GPC6: variants seen among roughly 807,000 people sequenced by gnomAD.
GPC6 encodes glypican-6.
A neutral mutation model predicts 55.2 loss-of-function variants in GPC6; 14 were observed. The observed-to-expected ratio is 0.25, with a 90% CI of 0.17 to 0.40. GPC6 has a LOEUF of 0.40. Among genes scored for constraint, GPC6 ranks in the 10% least tolerant of loss-of-function variants. The pLI is 1.00. For missense variants in GPC6, 641 were observed against 708.5 expected, an observed-to-expected ratio of 0.90 and a Z score of 1.08; for synonymous variants, 278 against 259.6, an observed-to-expected ratio of 1.07 and a Z score of -0.68.
chr13:93,845,707 A>G (rs1203742054), intron 3 of GPC6, among the ~76,000 whole-genome samples: 4 of 149,086 alleles, frequency 2.7e-5, no homozygotes, highest in Non-Finnish European at 3.0e-5. Context: ...ATTGGAAATC[A>G]TCATTCTCAG....
chr13:93,502,521 A>G (rs1382840614), intron 1 of GPC6, among the ~76,000 whole-genome samples: 1 of 152,154 alleles, frequency 6.6e-6, no homozygotes. Flanking sequence ...ATTAATGAGA[A>G]AGACAAATGT....
At position 93,858,616 on chromosome 13, in the gene GPC6, ATGT is replaced by A. The variant is rs1247715918; in HGVS notation, c.711+28073_711+28075del. Among the ~76,000 whole-genome samples the A allele has an allele frequency of 2.0e-5, 3 of 151,754 alleles. No homozygotes were observed. In the East Asian group the frequency reaches 5.9e-4, roughly 30 times the overall value. On this transcript the variant is annotated intron_variant, in intron 3 of 8. Transcript: ENST00000377047. ...ACAGAAAGAACACCATGAAAACATG[ATGT>A]TCTAGAATTCAAGTTTAAAAACCTG...
chr13:93,447,453 A>G (rs1878050658), intron 1 of GPC6, among the ~76,000 whole-genome samples: 1 of 152,166 alleles, frequency 6.6e-6, no homozygotes. Flanking sequence ...ACATTAGACC[A>G]TAGGTTAATT....
At chr13:93,788,566 C>G (rs1885889712) in intron 2 of GPC6, among the ~76,000 whole-genome samples, 1 of 149,898 alleles carries the variant, frequency 6.7e-6, no homozygotes, top group Admixed American at 6.8e-5. Flanking sequence ...GACAAAATCT[C>G]TTTTATCCTT....
intron 3 of GPC6, among the ~76,000 whole-genome samples, chr13:93,844,495 G>GT (rs1365295706): frequency 6.6e-6 from 1 of 151,874 alleles, no homozygotes; most frequent in African/African-American, 2.4e-5. Context: ...GGGGTTGTTT[G>GT]TTTTTTTCTT....
intron 1 of GPC6, among the ~76,000 whole-genome samples, chr13:93,514,817 C>G (rs757927105): frequency 6.6e-6 from 1 of 152,144 alleles, no homozygotes; most frequent in Non-Finnish European, 1.5e-5. Context: ...CCCCTACCAA[C>G]CTGTATTGGA....
chr13:93,774,017 C>T (rs1207057534), intron 2 of GPC6, among the ~76,000 whole-genome samples: 1 of 152,192 alleles, frequency 6.6e-6, no homozygotes, highest in East Asian at 1.9e-4. Flanking sequence ...TTAGATGCCT[C>T]ATGCCTCCAA....
At chr13:93,769,221 C>T (rs1264876452) in intron 2 of GPC6, among the ~76,000 whole-genome samples, 3 of 152,036 alleles carry the variant, frequency 2.0e-5, no homozygotes, top group Admixed American at 6.6e-5. Flanking sequence ...CATGTGAGAA[C>T]AGAAGGAAAA....
chr13:93,813,739 T>C (rs1020328526), intron 2 of GPC6, among the ~76,000 whole-genome samples: 1 of 151,856 alleles, frequency 6.6e-6, no homozygotes, highest in African/African-American at 2.4e-5. Flanking sequence ...AATTTATATA[T>C]GTATCATATA....
intron 4 of GPC6, among the ~76,000 whole-genome samples, chr13:94,123,675 T>TG (rs1566435907): frequency 7.9e-5 from 12 of 151,662 alleles, no homozygotes; most frequent in Admixed American, 5.9e-4. Flanking sequence ...GTGTGTGTGT[T>TG]TGTATGCATG....
At chr13:93,276,023 C>T (rs567060232) in intron 1 of GPC6, among the ~76,000 whole-genome samples, 4 of 152,012 alleles carry the variant, frequency 2.6e-5, no homozygotes, top group African/African-American at 7.2e-5. Context: ...TACAGGCGCC[C>T]GCCACCATGC....
intron 6 of GPC6, among the ~76,000 whole-genome samples, chr13:94,351,695 A>G (rs1878549853): frequency 6.6e-6 from 1 of 152,126 alleles, no homozygotes; most frequent in Non-Finnish European, 1.5e-5. Context: ...TCTGCCTTCT[A>G]TGACCTTAAC....
chr13:93,864,594 A>G (rs1401232151), intron 3 of GPC6, among the ~76,000 whole-genome samples: 4 of 151,722 alleles, frequency 2.6e-5, no homozygotes, highest in African/African-American at 9.7e-5. Flanking sequence ...GGGCAGTAAT[A>G]AAAGCTAATA....
intron 1 of GPC6, among the ~76,000 whole-genome samples, chr13:93,347,939 A>C (rs147449285): frequency 1.3e-5 from 2 of 152,148 alleles, no homozygotes; most frequent in African/African-American, 2.4e-5. Flanking sequence ...GCAAAGCTTC[A>C]GGTTCTGTTT....
intron 1 of GPC6, among the ~76,000 whole-genome samples, chr13:93,288,400 C>G (rs1042844134): frequency 3.9e-4 from 59 of 152,068 alleles, no homozygotes; most frequent in Non-Finnish European, 1.0e-4. Flanking sequence ...ACTAATCAAT[C>G]CAGATAAAAG....
intron 2 of GPC6, among the ~76,000 whole-genome samples, chr13:93,783,991 T>C (rs919240032): frequency 6.6e-6 from 1 of 152,200 alleles, no homozygotes; most frequent in Non-Finnish European, 1.5e-5. Flanking sequence ...AGTTATAAAA[T>C]GTTATAAATG....
chr13:93,552,934 T>G (rs531048973), intron 2 of GPC6, among the ~76,000 whole-genome samples: 2 of 152,354 alleles, frequency 1.3e-5, no homozygotes, highest in Non-Finnish European at 2.9e-5. Context: ...AAACTTATTT[T>G]CTTATTTTAA....
intron 5 of GPC6, among the ~76,000 whole-genome samples, chr13:94,305,699 TAATG>T (rs760621761): frequency 2.0e-5 from 3 of 152,196 alleles, no homozygotes; most frequent in Non-Finnish European, 4.4e-5. Context: ...AAATAAATTT[TAATG>T]AGTAAGCAAA....
chr13:94,346,362 T>C (rs1009474310), intron 6 of GPC6, among the ~76,000 whole-genome samples: 4 of 152,198 alleles, frequency 2.6e-5, no homozygotes, highest in Admixed American at 6.5e-5. Flanking sequence ...ATTCCTCTGA[T>C]AGGAACCAGC....
Sources: allele counts gnomAD v4.1 joint callset (sites outside exome capture counted in the v4.1 genomes callset), GRCh38; gene constraint gnomAD v4.1.1; transcripts MANE v1.5; gene names NCBI Gene and HGNC (gene_info 2026-07-23, HGNC 2026-07-21).